The following MYOCD variants were observed in gnomAD, a reference collection of about 807,000 sequenced individuals.
The protein encoded by MYOCD is myocardin.
MYOCD carries 32 observed loss-of-function variants against 96.1 expected under a neutral mutation model. The ratio of observed to expected loss-of-function variants is 0.33; its 90% CI spans 0.25 to 0.45. The LOEUF is 0.45. Among genes scored for constraint, MYOCD ranks in the 20% least tolerant of loss-of-function variants. MYOCD has a pLI of 1.00. For synonymous variants in MYOCD, 469 were observed against 469.0 expected (o/e 1.00, Z 0.00); for missense variants, 1,133 against 1,200.6 (o/e 0.94, Z 0.83).
chr17:12,749,768 T>C (rs1597806347), intron 9 of MYOCD, among the ~76,000 whole-genome samples: 1 of 150,572 alleles, frequency 6.6e-6, no homozygotes, highest in East Asian at 2.0e-4. Flanking sequence ...TGCCTACATT[T>C]ATTAGTTTCT....
chr17:12,669,331 T>C (rs1456149996), intron 1 of MYOCD, among the ~76,000 whole-genome samples: 2 of 152,110 alleles, frequency 1.3e-5, no homozygotes, highest in Non-Finnish European at 2.9e-5. Flanking sequence ...AAAGAATCAT[T>C]GTGTTTCTTT....
intron 9 of MYOCD, among the ~76,000 whole-genome samples, chr17:12,751,554 A>C (rs2032853379): frequency 6.6e-6 from 1 of 152,216 alleles, no homozygotes; most frequent in African/African-American, 2.4e-5. Flanking sequence ...GAATTAACAT[A>C]ATAATATTAG....
In MYOCD at chr17:12,756,473, C is replaced by T. The variant is rs111358990; in HGVS notation, c.2118C>T (p.His706=). 9,217 of 1,552,070 alleles carry T rather than the reference C, an allele frequency of 5.9e-3. 46 individuals are homozygous for T. Among genetic ancestry groups the T allele is most frequent in the Non-Finnish European group, 6.9e-3 (7,950 of 1,147,070 alleles). Reference sequence around the variant, plus strand: ...TCTCTCCCCATTCTTCCAGCCTCCACCCGCCCTTCTCTGGAGCCCAAGCAG... The same window carrying T: ...TCTCTCCCCATTCTTCCAGCCTCCATCCGCCCTTCTCTGGAGCCCAAGCAG... ...PSFSPHSSSL[H]PPFSGAQADS... is the part of the protein sequence containing the mutation. The change falls in exon 11 of 14, where the codon CAC becomes CAT. Residue 706 remains histidine, a synonymous_variant. Transcript: ENST00000425538.
rs765637103 is a variant in MYOCD, at chr17:12,746,027, T to C, written c.1080T>C (p.Ser360=). Residue 360 remains serine (S), a synonymous_variant, in exon 9 of 14, where the codon TCT becomes TCC. Coordinates refer to ENST00000425538, the MANE Select transcript of MYOCD (RefSeq NM_001146312.3). ...GTTTTTCTGGACAAACTGGTGTCTCTTCTTTCAAACCAGGCCCACTCCCAC... is the reference window on the plus strand; with the variant it reads ...GTTTTTCTGGACAAACTGGTGTCTCCTCTTTCAAACCAGGCCCACTCCCAC... ...KNSFSGQTGV[S]SFKPGPLPPN... is the part of the protein sequence containing the mutation. 6.2e-7 allele frequency: 1 copy of C among 1,614,244 alleles called. No individual in the cohort carries two copies. The highest frequency in any genetic ancestry group is 8.5e-7 in the Non-Finnish European group (1 of 1,180,038).
At chr17:12,712,660 C>T (rs2031516698) in intron 2 of MYOCD, among the ~76,000 whole-genome samples, 1 of 152,144 alleles carries the variant, frequency 6.6e-6, no homozygotes. Context: ...ATAGGAATAG[C>T]CCACAACAAA....
chr17:12,668,617 C>T (rs753443961), intron 1 of MYOCD, among the ~76,000 whole-genome samples: 1 of 151,642 alleles, frequency 6.6e-6, no homozygotes, highest in Non-Finnish European at 1.5e-5. Flanking sequence ...GATATAAACT[C>T]ATTTGAGAAG....
rs1367930239 is a variant in MYOCD, at chr17:12,764,377, T to C, written c.*733T>C. ...TAGTGGCCCAATCATTCCCACCATC[T>C]CTGTGCTGATAAGTACGTGTCCTAG... On this transcript the variant is annotated 3_prime_UTR_variant, in exon 14 of 14. Coordinates refer to ENST00000425538, the MANE Select transcript of MYOCD (RefSeq NM_001146312.3). 6.6e-6 allele frequency: 1 copy of C among 152,270 alleles called. No individual in the cohort carries two copies. Among genetic ancestry groups the C allele is most frequent in the African/African-American group, 2.4e-5 (1 of 41,424 alleles). The allele number at this position is 152,270 out of a possible 1,614,324, so 9.4% of individuals were successfully genotyped here.
chr17:12,743,061 A>G (rs1291178599), intron 7 of MYOCD, among the ~76,000 whole-genome samples: 3 of 152,150 alleles, frequency 2.0e-5, no homozygotes, highest in African/African-American at 7.2e-5. Flanking sequence ...ATTTTCTCCA[A>G]CTTGCAGGTG....
chr17:12,733,160 A>G (rs180924375), intron 5 of MYOCD, among the ~76,000 whole-genome samples: 26 of 152,154 alleles, frequency 1.7e-4, no homozygotes, highest in Admixed American at 8.5e-4. Flanking sequence ...AATACAAAAA[A>G]TTAGCCAGAT....
At chr17:12,748,206 GAGAA>G (rs57889661) in intron 9 of MYOCD, among the ~76,000 whole-genome samples, 3,643 of 149,574 alleles carry the variant, frequency 0.024, 171 homozygotes, top group African/African-American at 0.086. Context: ...TGGAGAGAGA[GAGAA>G]AGAGAGAGAC....
chr17:12,706,144 T>C (rs186193656), intron 2 of MYOCD: 169 of 152,388 alleles, frequency 1.1e-3, no homozygotes, highest in Admixed American at 3.7e-3. Context: ...CTAAGAATTT[T>C]TCAGGCCTCT....
chr17:12,733,449 A>C (rs550024040), intron 5 of MYOCD, among the ~76,000 whole-genome samples: 1 of 152,354 alleles, frequency 6.6e-6, no homozygotes, highest in African/African-American at 2.4e-5. Context: ...CTTCCAGGAA[A>C]GATGACTAAT....
At chr17:12,742,326 G>A (rs1281837317) in intron 7 of MYOCD, among the ~76,000 whole-genome samples, 1 of 152,168 alleles carries the variant, frequency 6.6e-6, no homozygotes, top group Non-Finnish European at 1.5e-5. Context: ...CTTTGGGGGT[G>A]CATTGCGCTG....
At chr17:12,756,637 A>G (rs12103689) in intron 11 of MYOCD, 80 bp downstream of exon 11, 2 of 1,353,890 alleles carry the variant, frequency 1.5e-6, no homozygotes, top group East Asian at 6.3e-5. Flanking sequence ...CAGAAGTTGC[A>G]GTGAGCCGAG....
intron 2 of MYOCD, 143 bp from the exon 3 acceptor site, chr17:12,715,376 C>T (rs1471781749): frequency 1.1e-5 from 6 of 559,224 alleles, no homozygotes; most frequent in African/African-American, 7.7e-5. Flanking sequence ...TCCTCCAGGC[C>T]TGTCCTCTCT....
intron 1 of MYOCD, among the ~76,000 whole-genome samples, chr17:12,680,059 G>T (rs776948477): frequency 6.6e-6 from 1 of 152,110 alleles, no homozygotes; most frequent in African/African-American, 2.4e-5. Context: ...TGCTATAATA[G>T]AATAGTATAT....
At chr17:12,717,523 C>A in intron 4 of MYOCD, 102 bp downstream of exon 4, 2 of 943,260 alleles carry the variant, frequency 2.1e-6, no homozygotes, top group Non-Finnish European at 1.6e-6. Context: ...TCTTAAAAAT[C>A]TCCCTTGCCG....
chr17:12,763,300 C>T lies in MYOCD; in HGVS notation c.2617C>T (p.Leu873Phe), dbSNP rs143315007. 3.5e-5 allele frequency: 57 copies of T among 1,609,800 alleles called. No homozygotes were observed. The African/African-American group carries it at 6.2e-4, about 17-fold the overall frequency. ...SPLGKMSDVT[L>F]LKIGSEEPHF... Reference sequence around the variant, plus strand: ...CCTAGGAAAGATGAGTGATGTCACCCTTCTAAAAATTGGGAGCGAAGAGCC... The same window carrying T: ...CCTAGGAAAGATGAGTGATGTCACCTTTCTAAAAATTGGGAGCGAAGAGCC... Residue 873 changes from leucine to phenylalanine, a missense_variant, in exon 14 of 14, where the codon CTT becomes TTT. Physicochemically the swap from Leu to Phe is conservative, Grantham distance 22. Transcript: ENST00000425538.
Position 12,745,978 on chromosome 17 carries a change from C to A in MYOCD, c.1031C>A (p.Thr344Asn), listed in dbSNP as rs138137651. 6 of 1,614,162 alleles carry A rather than the reference C, an allele frequency of 3.7e-6. No individual in the cohort carries two copies. Among genetic ancestry groups the A allele is most frequent in the African/African-American group, 1.3e-5 (1 of 75,038 alleles). ...PNSSSTPLSN[T>N]PLSPVKNSFS... ...TCTTCTTCAACGCCACTGAGCAATA[C>A]CCCCTTGTCTCCTGTCAAAAACAGT... The change falls in exon 9 of 14, where the codon ACC (threonine) becomes AAC (asparagine). Residue 344 changes from threonine (T) to asparagine (N), a missense_variant. By Grantham distance (65) the Thr-to-Asn change is moderately conservative. Coordinates refer to ENST00000425538, the MANE Select transcript of MYOCD (RefSeq NM_001146312.3).
Sources: allele counts gnomAD v4.1 joint callset (sites outside exome capture counted in the v4.1 genomes callset), GRCh38; gene constraint gnomAD v4.1.1; transcripts MANE v1.5; gene names NCBI Gene and HGNC (gene_info 2026-07-23, HGNC 2026-07-21).